The following PAG1 variants were observed in gnomAD, a reference collection of about 807,000 sequenced individuals.
PAG1 encodes the protein phosphoprotein associated with glycosphingolipid-enriched microdomains 1.
In PAG1, 23 loss-of-function variants were observed where a neutral mutation model predicts 31.7. The ratio of observed to expected loss-of-function variants is 0.73; its 90% confidence interval spans 0.52 to 1.03. The LOEUF is 1.03. Ranked by LOEUF, PAG1 falls within the 50% of genes least tolerant of loss-of-function variation. PAG1 has a pLI of 0.00. For synonymous variants in PAG1, 214 were observed against 210.3 expected (o/e 1.02, Z -0.15); for missense variants, 473 against 540.7 (o/e 0.87, Z 1.24).
At chr8:81,015,767 T>C (rs1283032908) in intron 3 of PAG1, among the ~76,000 whole-genome samples, 63 of 152,312 alleles carry the variant, frequency 4.1e-4, no homozygotes, top group Non-Finnish European at 4.4e-5. Flanking sequence ...GAAGATTCCC[T>C]AGATGGTCAC....
At chr8:81,056,660 G>T (rs1440344225) in intron 2 of PAG1, among the ~76,000 whole-genome samples, 1 of 152,192 alleles carries the variant, frequency 6.6e-6, no homozygotes, top group Non-Finnish European at 1.5e-5. Context: ...ATAGGCACGG[G>T]CAAGGACTTC....
intron 1 of PAG1, among the ~76,000 whole-genome samples, chr8:81,094,539 A>G (rs1421118900): frequency 1.3e-5 from 2 of 152,066 alleles, no homozygotes; most frequent in Admixed American, 6.5e-5. Flanking sequence ...AAATTATGCT[A>G]CCCCTTAAAC....
intron 1 of PAG1, among the ~76,000 whole-genome samples, chr8:81,094,720 G>A (rs889994174): frequency 1.3e-5 from 2 of 152,130 alleles, no homozygotes; most frequent in African/African-American, 4.8e-5. Flanking sequence ...TGAACACTCT[G>A]GTTCTATCCC....
At chr8:81,071,982 C>T (rs1809101105) in intron 1 of PAG1, among the ~76,000 whole-genome samples, 1 of 152,162 alleles carries the variant, frequency 6.6e-6, no homozygotes, top group African/African-American at 2.4e-5. Flanking sequence ...CTTCTGCCAC[C>T]CTATCTGCTT....
intron 6 of PAG1, among the ~76,000 whole-genome samples, chr8:80,986,152 C>T (rs769204777): frequency 2.0e-5 from 3 of 152,146 alleles, no homozygotes; most frequent in Non-Finnish European, 2.9e-5. Flanking sequence ...CAAGTTATTC[C>T]ATTAGTGTCT....
At chr8:81,059,297 C>G (rs1473557656) in intron 2 of PAG1, among the ~76,000 whole-genome samples, 1 of 147,592 alleles carries the variant, frequency 6.8e-6, no homozygotes, top group East Asian at 2.0e-4. Flanking sequence ...TCTTTGAATG[C>G]TTTGAATTAG....
At chr8:81,073,762 C>G (rs1334468353) in intron 1 of PAG1, among the ~76,000 whole-genome samples, 2 of 152,246 alleles carry the variant, frequency 1.3e-5, no homozygotes, top group African/African-American at 4.8e-5. Flanking sequence ...AACCCACCAT[C>G]TAGCAGCATA....
rs1312605000 is a variant in PAG1 at position 80,968,231 on chromosome 8, A to G, written c.*8313T>C. On this transcript the variant is annotated 3_prime_UTR_variant, in exon 9 of 9. Coordinates refer to ENST00000220597, the MANE Select transcript of PAG1 (RefSeq NM_018440.4). ...AGCACCTTTCTTCCGAAGAGTTGAA[A>G]GCATTCGTGCTTATCTCTATTATTT... The G allele has an allele frequency of 1.3e-5, 2 of 152,264 alleles. No homozygotes were observed. The highest frequency in any genetic ancestry group is 2.9e-5 in the Non-Finnish European group (2 of 68,050). The allele number at this position is 152,264 out of a possible 1,614,324, so 9.4% of individuals were successfully genotyped here. A position where few individuals can be genotyped will look rare whatever the true frequency, so the allele number is the denominator to read the frequency against.
At chr8:81,062,672 T>A (rs187601459) in intron 2 of PAG1, among the ~76,000 whole-genome samples, 9 of 150,064 alleles carry the variant, frequency 6.0e-5, no homozygotes, top group Admixed American at 2.0e-4. Context: ...GTTAACTTTA[T>A]CCTCTCAACA....
At chr8:81,007,826 T>C (rs967345471) in intron 3 of PAG1, among the ~76,000 whole-genome samples, 7 of 152,096 alleles carry the variant, frequency 4.6e-5, no homozygotes, top group Admixed American at 2.6e-4. Flanking sequence ...TTGCACTAAA[T>C]AGCCGTGGCA....
At chr8:81,041,295 G>A (rs1187704082) in intron 2 of PAG1, among the ~76,000 whole-genome samples, 1 of 151,974 alleles carries the variant, frequency 6.6e-6, no homozygotes, top group Non-Finnish European at 1.5e-5. Context: ...CACAATAGAG[G>A]GACAAAATAA....
chr8:81,045,561 AG>A (rs1808628052), intron 2 of PAG1, among the ~76,000 whole-genome samples: 1 of 152,150 alleles, frequency 6.6e-6, no homozygotes, highest in African/African-American at 2.4e-5. Flanking sequence ...GTGACAGCCT[AG>A]GGGTGAGGGG....
intron 2 of PAG1, among the ~76,000 whole-genome samples, chr8:81,062,487 C>T (rs552910685): frequency 2.0e-4 from 30 of 152,256 alleles, no homozygotes; most frequent in African/African-American, 5.3e-4. Context: ...TGAATGAAAT[C>T]GCAAACCCAT....
intron 2 of PAG1, among the ~76,000 whole-genome samples, chr8:81,059,321 C>G (rs1450673022): frequency 6.7e-6 from 1 of 149,830 alleles, no homozygotes; most frequent in East Asian, 1.9e-4. Flanking sequence ...TTGGTTGAAT[C>G]CATGGATGTG....
intron 2 of PAG1, among the ~76,000 whole-genome samples, chr8:81,058,960 T>C: frequency 6.6e-6 from 1 of 152,148 alleles, no homozygotes; most frequent in East Asian, 1.9e-4. Context: ...TTAATAATAA[T>C]TGTCAGCATC....
At chr8:81,002,037 A>G (rs930059793) in intron 3 of PAG1, among the ~76,000 whole-genome samples, 1 of 151,878 alleles carries the variant, frequency 6.6e-6, no homozygotes, top group Non-Finnish European at 1.5e-5. Flanking sequence ...TTAATCATAA[A>G]CCTCCTTCCA....
chr8:80,975,721 A>G lies in PAG1; in HGVS notation c.*823T>C, dbSNP rs1375517264. 1 of 152,234 alleles carries G rather than the reference A, an allele frequency of 6.6e-6. No individual in the cohort carries two copies. The highest frequency in any genetic ancestry group is 1.9e-4 in the East Asian group (1 of 5,202). The allele number at this position is 152,234 out of a possible 1,614,324, so 9.4% of individuals were successfully genotyped here. A position where few individuals can be genotyped will look rare whatever the true frequency, so the allele number is the denominator to read the frequency against. ...TCTGGGCTTAAACAAGTCTAGAAGTACCACAATACTCATGGAAAATACTGA... is the reference window on the plus strand; with the variant it reads ...TCTGGGCTTAAACAAGTCTAGAAGTGCCACAATACTCATGGAAAATACTGA... On this transcript the variant is annotated 3_prime_UTR_variant, in exon 9 of 9. Transcript: ENST00000220597.
chr8:81,074,207 G>A (rs1365864320), intron 1 of PAG1, among the ~76,000 whole-genome samples: 1 of 152,168 alleles, frequency 6.6e-6, no homozygotes, highest in African/African-American at 2.4e-5. Flanking sequence ...GACGAAAGTG[G>A]GACCTGTGAG....
chr8:80,990,965 A>G lies in PAG1; in HGVS notation c.177+514T>C, dbSNP rs144855134. Among the ~76,000 whole-genome samples the G allele has an allele frequency of 1.4e-5, 2 of 147,880 alleles. No individual in the cohort carries two copies. The highest frequency in any genetic ancestry group is 3.9e-4 in the East Asian group (2 of 5,184). On this transcript the variant is annotated intron_variant, in intron 5 of 8. Coordinates refer to ENST00000220597, the MANE Select transcript of PAG1 (RefSeq NM_018440.4). This position sits in a 1 kb window ranked among gnomAD's most constrained non-coding sequence, Gnocchi z 5.1. The stretch of plus-strand genomic sequence containing the variant: ...TCTGGTGTCTTTATAAAATGGGGAA[A>G]CTTGGACACAGCCAGCCATACATAG...
Sources: gnomAD v4.1 joint callset for allele counts (sites outside exome capture counted in the v4.1 genomes callset) on GRCh38, gnomAD v4.1.1 for gene constraint, Gnocchi (gnomAD v3.1) non-coding constraint, MANE v1.5 for transcripts, NCBI Gene and HGNC (gene_info 2026-07-23, HGNC 2026-07-21) for gene names.